SMYD3: variants seen among roughly 807,000 people sequenced by gnomAD.
SMYD3 encodes the protein SET and MYND domain containing 3.
In SMYD3, 36 loss-of-function variants were observed where a neutral mutation model predicts 57.7. The observed-to-expected ratio is 0.62, with a 90% CI of 0.48 to 0.82. SMYD3 has a LOEUF of 0.82. Ranked by LOEUF, SMYD3 falls within the 40% of genes least tolerant of loss-of-function variation. The pLI is 0.00. For missense variants in SMYD3, 515 were observed against 538.8 expected (o/e 0.96, Z 0.44); for synonymous variants, 211 against 195.0 (o/e 1.08, Z -0.68).
chr1:245,841,191 C>T (rs912863307), intron 10 of SMYD3, among the ~76,000 whole-genome samples: 7 of 152,162 alleles, frequency 4.6e-5, no homozygotes, highest in African/African-American at 1.7e-4. Context: ...ACTAAATTTA[C>T]CAACTTTTTT....
At chr1:245,855,983 G>A (rs1322499115) in intron 10 of SMYD3, among the ~76,000 whole-genome samples, 1 of 152,216 alleles carries the variant, frequency 6.6e-6, no homozygotes, top group Admixed American at 6.5e-5. Flanking sequence ...CTTGGCTAAA[G>A]GTGAGCAAAA....
chr1:245,797,560 G>T (rs1438726389), intron 10 of SMYD3, among the ~76,000 whole-genome samples: 17 of 151,118 alleles, frequency 1.1e-4, no homozygotes, highest in Non-Finnish European at 2.2e-4. Flanking sequence ...AGCATTAGGA[G>T]ATATACCTAA....
rs368439124 is a variant in SMYD3 at position 246,125,037 on chromosome 1, A to C, written c.532-195100T>G. On this transcript the variant is annotated intron_variant, in intron 5 of 11. Transcript: ENST00000490107. The stretch of plus-strand genomic sequence containing the variant: ...CAGTGAGCCGAGATCGCGCCACTGC[A>C]CTCCAGCCTGGGCGACAGAGCGAGA... Among the ~76,000 whole-genome samples, 295 of 139,510 alleles carry C rather than the reference A, an allele frequency of 2.1e-3. 2 individuals are homozygous for C. The highest frequency in any genetic ancestry group is 7.7e-3 in the African/African-American group (279 of 36,414). The allele number at this position is 139,510 out of a possible 152,430, so 91.5% of individuals were successfully genotyped here.
At chr1:245,946,515 A>G (rs2057433159) in intron 5 of SMYD3, among the ~76,000 whole-genome samples, 1 of 152,232 alleles carries the variant, frequency 6.6e-6, no homozygotes, top group African/African-American at 2.4e-5. Flanking sequence ...CTATGAGTAC[A>G]GTATCTTCAT....
At chr1:246,248,137 A>G (rs907373296) in intron 5 of SMYD3, among the ~76,000 whole-genome samples, 10 of 152,174 alleles carry the variant, frequency 6.6e-5, no homozygotes, top group African/African-American at 2.4e-4. Context: ...GCCACTGATA[A>G]GGTGTTTGGA....
rs1170465760 is a variant in SMYD3, at chr1:246,180,788, A to C, written c.531+146413T>G. On this transcript the variant is annotated intron_variant, in intron 5 of 11. Coordinates refer to ENST00000490107, the MANE Select transcript of SMYD3 (RefSeq NM_001167740.2). ...AAAAAAAAAAAAAAAAAAAAAAAAA[A>C]AAAAAAAAACAACTCAGGAGGGCAG... is the stretch of plus-strand genomic sequence containing the variant. Among the ~76,000 whole-genome samples the C allele has an allele frequency of 1.2e-4, 15 of 127,716 alleles. No homozygotes were observed. The East Asian group carries it at 2.3e-3, about 20-fold the overall frequency. The allele number at this position is 127,716 out of a possible 152,430, so 83.8% of individuals were successfully genotyped here. A position where few individuals can be genotyped will look rare whatever the true frequency, so the allele number is the denominator to read the frequency against.
intron 5 of SMYD3, among the ~76,000 whole-genome samples, chr1:246,287,910 A>C (rs1455206214): frequency 2.6e-5 from 4 of 152,226 alleles, no homozygotes; most frequent in Middle Eastern, 3.4e-3. Flanking sequence ...TGAGAAGCTC[A>C]CCTTGCTTCC....
At chr1:246,116,146 GA>G (rs1230994777) in intron 5 of SMYD3, among the ~76,000 whole-genome samples, 1 of 104,118 alleles carries the variant, frequency 9.6e-6, no homozygotes, top group Non-Finnish European at 1.8e-5. Context: ...GTCTAAAAAA[GA>G]AAAAAAGAAA....
Position 245,820,471 on chromosome 1 carries a change from T to C in SMYD3, c.1076+38025A>G, listed in dbSNP as rs537554309. ...ATGGGCAAAAACTGGAAGCATTCCC[T>C]TTGAAAACTGGCACAAGACAGGGAT... is the stretch of plus-strand genomic sequence containing the variant. On this transcript the variant is annotated intron_variant, in intron 10 of 11. Transcript: ENST00000490107. 6.7e-3 allele frequency among the ~76,000 whole-genome samples: 978 copies of C among 146,518 alleles called. 2 individuals carry two copies. The highest frequency in any genetic ancestry group is 0.023 in the African/African-American group (937 of 39,940).
chr1:245,964,429 C>T (rs1027755330), intron 5 of SMYD3, among the ~76,000 whole-genome samples: 1 of 152,150 alleles, frequency 6.6e-6, no homozygotes, highest in East Asian at 1.9e-4. Context: ...TCATGACATC[C>T]GTCTTTCAGC....
intron 2 of SMYD3, among the ~76,000 whole-genome samples, chr1:246,339,448 T>C (rs2065596443): frequency 6.6e-6 from 1 of 152,240 alleles, no homozygotes; most frequent in Admixed American, 6.5e-5. Context: ...TAAAATTTCA[T>C]TTCAAGATAG....
chr1:245,823,510 A>G (rs542076063), intron 10 of SMYD3, among the ~76,000 whole-genome samples: 18 of 152,336 alleles, frequency 1.2e-4, no homozygotes, highest in Admixed American at 9.1e-4. Context: ...GGCCAAATGC[A>G]TTGTTCAGGC....
At chr1:246,481,101 T>C (rs1247864087) in intron 1 of SMYD3, among the ~76,000 whole-genome samples, 2 of 152,118 alleles carry the variant, frequency 1.3e-5, no homozygotes, top group Non-Finnish European at 2.9e-5. Context: ...CCAAAAGATC[T>C]CTTTAGATCT....
chr1:245,780,879 T>C (rs769646024), intron 10 of SMYD3, among the ~76,000 whole-genome samples: 1 of 152,286 alleles, frequency 6.6e-6, no homozygotes, highest in Middle Eastern at 3.4e-3. Flanking sequence ...TAGATAAATA[T>C]GATGTACTAT....
rs1345012536 is a variant in SMYD3, at chr1:245,847,860, T to G, written c.1076+10636A>C. Among the ~76,000 whole-genome samples the G allele has an allele frequency of 2.6e-5, 4 of 152,206 alleles. No homozygotes were observed. In the East Asian group the frequency reaches 7.7e-4, roughly 29 times the overall value. On this transcript the variant is annotated intron_variant, in intron 10 of 11. Transcript: ENST00000490107. ...GAAAATGTCTTATTCTGGAAATGCT[T>G]TCACAACATAGGAAGCCTAAACACA...
intron 5 of SMYD3, among the ~76,000 whole-genome samples, chr1:246,220,728 T>A (rs2063240262): frequency 6.6e-6 from 1 of 152,158 alleles, no homozygotes; most frequent in South Asian, 2.1e-4. Flanking sequence ...GGCTGCCAGT[T>A]CCGGGGCATG....
intron 5 of SMYD3, among the ~76,000 whole-genome samples, chr1:245,979,438 G>A (rs899606528): frequency 6.6e-6 from 1 of 152,140 alleles, no homozygotes; most frequent in African/African-American, 2.4e-5. Context: ...GAGTAAGTAG[G>A]CCCGAAATTC....
intron 5 of SMYD3, among the ~76,000 whole-genome samples, chr1:246,101,575 T>A (rs12040993): frequency 0.021 from 3,190 of 152,344 alleles, 141 homozygotes; most frequent in East Asian, 0.15. Context: ...TTAAAAAATA[T>A]GGCTTATGTA....
chr1:246,168,875 C>G (rs2062270440), intron 5 of SMYD3, among the ~76,000 whole-genome samples: 1 of 152,096 alleles, frequency 6.6e-6, no homozygotes, highest in Non-Finnish European at 1.5e-5. Flanking sequence ...ATACAGTGTC[C>G]ATGTACAAAG....
Sources: gnomAD v4.1 joint callset for allele counts (sites outside exome capture counted in the v4.1 genomes callset) on GRCh38, gnomAD v4.1.1 for gene constraint, MANE v1.5 for transcripts, NCBI Gene and HGNC (gene_info 2026-07-23, HGNC 2026-07-21) for gene names.